TNR: variants seen among roughly 807,000 people sequenced by gnomAD.
TNR encodes the protein tenascin-R.
Under a neutral mutation model 150.4 loss-of-function variants are expected in TNR, and 45 were observed. That is an observed-to-expected ratio of 0.30 (90% CI 0.24 to 0.38). The LOEUF (loss-of-function observed/expected upper bound fraction) is 0.38, where lower values mean the gene tolerates loss of function less well. Ranked by LOEUF, TNR falls within the 10% of genes least tolerant of loss-of-function variation. The pLI is 1.00. For missense variants in TNR, 1,544 were observed against 1,759.1 expected, an observed-to-expected ratio of 0.88 and a Z score of 2.19; for synonymous variants, 687 against 678.4, an observed-to-expected ratio of 1.01 and a Z score of -0.20.
rs78286074 is a variant in TNR, at chr1:175,389,261, T to G, written c.1507+2027A>C. Among the ~76,000 whole-genome samples, 160 of 152,338 alleles carry G rather than the reference T, an allele frequency of 1.1e-3. 4 individuals are homozygous for G. The East Asian group carries it at 0.029, about 27-fold the overall frequency. On this transcript the variant is annotated intron_variant, in intron 7 of 22. Coordinates refer to ENST00000367674, the MANE Select transcript of TNR (RefSeq NM_003285.3). The stretch of plus-strand genomic sequence containing the variant: ...CTGCAGTCCTCCCATCTCCTGACCC[T>G]TCTTCTCCCTTTGAAGTGATTCACA...
intron 1 of TNR, among the ~76,000 whole-genome samples, chr1:175,628,865 G>A (rs977467723): frequency 2.0e-5 from 3 of 152,162 alleles, no homozygotes; most frequent in African/African-American, 4.8e-5. Flanking sequence ...CCTGCAGTGG[G>A]GCTTCTTGTG....
intron 9 of TNR, among the ~76,000 whole-genome samples, chr1:175,372,201 C>A (rs892647252): frequency 2.0e-5 from 3 of 152,208 alleles, no homozygotes; most frequent in African/African-American, 7.2e-5. Flanking sequence ...GATTCTGGCA[C>A]CATGTTTCCT....
At chr1:175,327,921 A>G (rs1649503360) in intron 21 of TNR, among the ~76,000 whole-genome samples, 1 of 152,220 alleles carries the variant, frequency 6.6e-6, no homozygotes, top group African/African-American at 2.4e-5. Context: ...CAGCCTGGCC[A>G]GCATGGCAAA....
At chr1:175,454,325 G>A (rs1020302963) in intron 2 of TNR, among the ~76,000 whole-genome samples, 1 of 152,174 alleles carries the variant, frequency 6.6e-6, no homozygotes, top group Admixed American at 6.5e-5. Context: ...TTCATTCACA[G>A]TGTGCCAAAC....
intron 1 of TNR, among the ~76,000 whole-genome samples, chr1:175,652,037 A>G (rs1665011510): frequency 6.7e-6 from 1 of 149,848 alleles, no homozygotes; most frequent in Non-Finnish European, 1.5e-5. Flanking sequence ...TCAGAAAACT[A>G]ATAGAACTTT....
intron 19 of TNR, among the ~76,000 whole-genome samples, chr1:175,336,766 C>CT (rs1191482328): frequency 6.6e-6 from 1 of 152,202 alleles, no homozygotes; most frequent in Non-Finnish European, 1.5e-5. Flanking sequence ...GGGGAGCCAG[C>CT]TATCCATGTT....
At chr1:175,484,177 A>T (rs1267055383) in intron 2 of TNR, among the ~76,000 whole-genome samples, 1 of 152,192 alleles carries the variant, frequency 6.6e-6, no homozygotes, top group Non-Finnish European at 1.5e-5. Context: ...GCCTTTATTT[A>T]CTTACTGGGA....
chr1:175,622,358 G>A (rs552927192), intron 1 of TNR, among the ~76,000 whole-genome samples: 11 of 152,188 alleles, frequency 7.2e-5, no homozygotes, highest in Non-Finnish European at 1.3e-4. Flanking sequence ...GCCAGTTTTG[G>A]AGAACTACCT....
intron 1 of TNR, among the ~76,000 whole-genome samples, chr1:175,670,636 T>C (rs1213508198): frequency 6.6e-6 from 1 of 152,110 alleles, no homozygotes; most frequent in Non-Finnish European, 1.5e-5. Context: ...GAGGAGCAGC[T>C]GCATAACCTC....
rs564014363 is a variant in TNR at position 175,682,953 on chromosome 1, A to G, written c.-165+60273T>C. 2.5e-4 allele frequency among the ~76,000 whole-genome samples: 38 copies of G among 152,302 alleles called. No individual in the cohort carries two copies. In the South Asian group the frequency reaches 7.0e-3, roughly 28 times the overall value. On this transcript the variant is annotated intron_variant, in intron 1 of 22. Transcript: ENST00000367674. Reference sequence around the variant, plus strand: ...CTAGAGCCAGGAAAGTCCACAAAATAGTGGGGCCGCCATTTCTTTTTGCAA... The same window carrying G: ...CTAGAGCCAGGAAAGTCCACAAAATGGTGGGGCCGCCATTTCTTTTTGCAA...
At chr1:175,557,678 T>G (rs1183664607) in intron 1 of TNR, among the ~76,000 whole-genome samples, 1 of 150,140 alleles carries the variant, frequency 6.7e-6, no homozygotes, top group African/African-American at 2.5e-5. Context: ...TTGGTGGGAC[T>G]GTAAACTAGT....
chr1:175,709,588 A>G (rs779275012), intron 1 of TNR, among the ~76,000 whole-genome samples: 10 of 152,368 alleles, frequency 6.6e-5, no homozygotes, highest in Middle Eastern at 3.4e-3. Context: ...TCTTCACCCT[A>G]TGCAGACACA....
At chr1:175,540,364 A>C (rs543654741) in intron 1 of TNR, among the ~76,000 whole-genome samples, 1 of 152,132 alleles carries the variant, frequency 6.6e-6, no homozygotes, top group South Asian at 2.1e-4. Flanking sequence ...GTGATGCCAG[A>C]CTCCCAGGAG....
chr1:175,414,889 C>T (rs1269758122), intron 2 of TNR, among the ~76,000 whole-genome samples: 3 of 150,960 alleles, frequency 2.0e-5, no homozygotes, highest in Admixed American at 6.6e-5. Context: ...TCTTTTTTTC[C>T]CAGAGTCAAA....
chr1:175,391,193 C>T, intron 7 of TNR, 95 bp downstream of exon 7: 1 of 1,473,002 alleles, frequency 6.8e-7, no homozygotes, highest in South Asian at 1.4e-5. Flanking sequence ...GAAATTCTAG[C>T]ACCTCTGTTG....
intron 1 of TNR, among the ~76,000 whole-genome samples, chr1:175,655,705 C>T (rs1257928166): frequency 6.6e-6 from 1 of 152,216 alleles, no homozygotes; most frequent in Non-Finnish European, 1.5e-5. Flanking sequence ...AAAGAAACAG[C>T]CATGACCTTA....
intron 1 of TNR, among the ~76,000 whole-genome samples, chr1:175,685,670 G>A (rs903156157): frequency 7.9e-5 from 12 of 152,168 alleles, no homozygotes; most frequent in African/African-American, 2.2e-4. Flanking sequence ...GATTAGAGGC[G>A]TCATCATATT....
chr1:175,320,320 G>A lies in TNR; in HGVS notation c.*3037C>T, dbSNP rs922126046. 6.6e-6 allele frequency: 1 copy of A among 152,230 alleles called. No homozygotes were observed. Among genetic ancestry groups the A allele is most frequent in the Non-Finnish European group, 1.5e-5 (1 of 68,044 alleles). 9.4% of individuals were successfully genotyped at this position (152,230 alleles called of 1,614,324 possible). Reference sequence around the variant, plus strand: ...CCATAGACCTTGGGATGAGAGTGGGGCACAGTGTCTTTTAAACATGGTGAA... The same window carrying A: ...CCATAGACCTTGGGATGAGAGTGGGACACAGTGTCTTTTAAACATGGTGAA... On this transcript the variant is annotated 3_prime_UTR_variant, in exon 23 of 23. Coordinates refer to ENST00000367674, the MANE Select transcript of TNR (RefSeq NM_003285.3).
rs80108783 is a variant in TNR at position 175,714,779 on chromosome 1, C to T, written c.-165+28447G>A. 1.1e-4 allele frequency among the ~76,000 whole-genome samples: 16 copies of T among 152,320 alleles called. No homozygotes were observed. In the East Asian group the frequency reaches 1.3e-3, roughly 13 times the overall value. ...GAGCCAGGAGCCAATAAGCAGAGACCGCCAGGCACTGGACAATGTGCAAGA... is the reference window on the plus strand; with the variant it reads ...GAGCCAGGAGCCAATAAGCAGAGACTGCCAGGCACTGGACAATGTGCAAGA... On this transcript the variant is annotated intron_variant, in intron 1 of 22. Transcript: ENST00000367674.
Sources: gnomAD v4.1 joint callset for allele counts (sites outside exome capture counted in the v4.1 genomes callset) on GRCh38, gnomAD v4.1.1 for gene constraint, MANE v1.5 for transcripts, NCBI Gene and HGNC (gene_info 2026-07-23, HGNC 2026-07-21) for gene names.